Variants in LRRC31 observed in about 807,000 individuals in gnomAD.
LRRC31 encodes leucine rich repeat containing 31.
Under a neutral mutation model 46.7 loss-of-function variants are expected in LRRC31, and 35 were observed. The ratio of observed to expected loss-of-function variants is 0.75; its 90% CI spans 0.57 to 0.99. LRRC31 has a LOEUF of 0.99. Among genes scored for constraint, LRRC31 ranks in the 50% least tolerant of loss-of-function variants. The pLI is 0.00. For missense variants in LRRC31, 613 were observed against 626.1 expected (o/e 0.98, Z 0.22); for synonymous variants, 236 against 235.1 (o/e 1.00, Z -0.03).
At position 169,869,661 on chromosome 3, in the gene LRRC31, C is replaced by T. The variant is rs578048054; in HGVS notation, c.147G>A (p.Trp49Ter). ...TCTCTGAGGTGGCTGTCTTCTGTAT[C>T]CAGTCGCTGGGTTGGGAATCACTTG... ...LKTSDSQPSDWIQKTATSETA... is the reference protein window; with the variant it reads ...LKTSDSQPSD The change falls in exon 1 of 9, where the codon TGG (tryptophan) becomes TGA (stop). Residue 49 changes from tryptophan (W) to a stop codon, truncating the protein, a stop_gained. Coordinates refer to ENST00000316428, the MANE Select transcript of LRRC31 (RefSeq NM_024727.4). LOFTEE classifies it high-confidence loss of function. The T allele has an allele frequency of 1.2e-6, 2 of 1,609,166 alleles. No individual in the cohort carries two copies. Among genetic ancestry groups the T allele is most frequent in the Non-Finnish European group, 1.7e-6 (2 of 1,178,302 alleles).
At chr3:169,855,924 A>T (rs1427054154) in intron 5 of LRRC31, among the ~76,000 whole-genome samples, 1 of 152,016 alleles carries the variant, frequency 6.6e-6, no homozygotes, top group Non-Finnish European at 1.5e-5. Flanking sequence ...TATTTTTGAG[A>T]TGGAGTCTCT....
chr3:169,851,389 G>A (rs1780760428), intron 7 of LRRC31, among the ~76,000 whole-genome samples: 1 of 151,986 alleles, frequency 6.6e-6, no homozygotes, highest in Non-Finnish European at 1.5e-5. Context: ...CTCCAGTCTG[G>A]GTGACAATCT....
chr3:169,867,335 GA>G (rs1273025176), intron 1 of LRRC31, among the ~76,000 whole-genome samples: 2 of 140,834 alleles, frequency 1.4e-5, no homozygotes, highest in East Asian at 4.5e-4. Context: ...TTGGCTCACT[GA>G]AACCTCCACC....
intron 8 of LRRC31, among the ~76,000 whole-genome samples, chr3:169,844,720 T>A (rs567971921): frequency 6.6e-6 from 1 of 151,614 alleles, no homozygotes; most frequent in Admixed American, 6.6e-5. Context: ...GATCACGAGG[T>A]CAGGAGATCG....
At chr3:169,864,094 G>A (rs1781255746) in intron 1 of LRRC31, among the ~76,000 whole-genome samples, 1 of 151,332 alleles carries the variant, frequency 6.6e-6, no homozygotes, top group Admixed American at 6.6e-5. Flanking sequence ...TTGTTTTTAA[G>A]CTTTTTATCT....
intron 1 of LRRC31, among the ~76,000 whole-genome samples, chr3:169,869,293 C>G (rs1374471621): frequency 6.6e-6 from 1 of 151,866 alleles, no homozygotes; most frequent in Admixed American, 6.6e-5. Flanking sequence ...ATCGCTTGAA[C>G]CCGGGAGGCA....
intron 7 of LRRC31, 66 bp downstream of exon 7, chr3:169,851,553 A>T (rs1244759967): frequency 6.1e-6 from 9 of 1,470,820 alleles, no homozygotes; most frequent in Non-Finnish European, 7.4e-6. Flanking sequence ...AATGAAATGC[A>T]GGGAAAAAGA....
rs1553924484 is a variant in LRRC31 at position 169,852,427 on chromosome 3, A to AAC, written c.992-642_992-641insGT. ...CAAAAAAAAAAAAAAAAAAAAAAAA[A>AAC]AAAACTCTTAGCCTTCTCTATTTCA... On this transcript the variant is annotated intron_variant, in intron 6 of 8. Transcript: ENST00000316428. Among the ~76,000 whole-genome samples, 55 of 134,320 alleles carry AAC rather than the reference A, an allele frequency of 4.1e-4. 5 individuals are homozygous for AAC. The highest frequency in any genetic ancestry group is 1.2e-3 in the African/African-American group (41 of 33,294). 88.1% of individuals were successfully genotyped at this position (134,320 alleles called of 152,430 possible). A position where few individuals can be genotyped will look rare whatever the true frequency, so the allele number is the denominator to read the frequency against.
At chr3:169,851,523 G>C in intron 7 of LRRC31, 96 bp downstream of exon 7, 1 of 1,258,132 alleles carries the variant, frequency 7.9e-7, no homozygotes, top group Admixed American at 2.5e-5. Flanking sequence ...TTAGTACTTC[G>C]CAAACTGGCT....
intron 1 of LRRC31, among the ~76,000 whole-genome samples, chr3:169,867,602 G>T (rs1367672229): frequency 6.6e-6 from 1 of 151,806 alleles, no homozygotes; most frequent in Non-Finnish European, 1.5e-5. Context: ...TAAACTACTG[G>T]CCTTAAGCGA....
chr3:169,856,730 G>A lies in LRRC31; in HGVS notation c.630C>T (p.Leu210=), dbSNP rs1441031400. 26 of 1,594,308 alleles carry A rather than the reference G, an allele frequency of 1.6e-5. No homozygotes were observed. Among genetic ancestry groups the A allele is most frequent in the South Asian group, 2.3e-5 (2 of 87,540 alleles). The change falls in exon 4 of 9, where the codon CTC becomes CTT. Residue 210 remains leucine, a synonymous_variant. Transcript: ENST00000316428. ...CCAGAAATGTCCCATCTTCTGACGT[G>A]AGGGAGCAATCCACAAGCTCAATCA... ...IQMIELVDCS[L]TSEDGTFLGQ... is the part of the protein sequence containing the mutation.
intron 8 of LRRC31, among the ~76,000 whole-genome samples, chr3:169,844,450 G>A (rs573933785): frequency 6.6e-6 from 1 of 152,068 alleles, no homozygotes; most frequent in Admixed American, 6.5e-5. Flanking sequence ...CTGATAAAGG[G>A]TAGCTACAAA....
rs1324128884 is a variant in LRRC31, at chr3:169,867,038, G to GTTTT, written c.175+2591_175+2594dup. Reference sequence around the variant, plus strand: ...GTCTCAGAAAGAAAATTGGCCATGGGTTTTTTTTGTTTGTTTGTTTGTTTT... The same window carrying GTTTT: ...GTCTCAGAAAGAAAATTGGCCATGGGTTTTTTTTTTTTGTTTGTTTGTTTGTTTT... On this transcript the variant is annotated intron_variant, in intron 1 of 8. Transcript: ENST00000316428. 2.1e-4 allele frequency among the ~76,000 whole-genome samples: 27 copies of GTTTT among 126,322 alleles called. 2 individuals carry two copies. Among genetic ancestry groups the GTTTT allele is most frequent in the African/African-American group, 6.7e-4 (15 of 22,238 alleles). 82.9% of individuals were successfully genotyped at this position (126,322 alleles called of 152,430 possible).
chr3:169,842,781 T>A (rs116188088), intron 8 of LRRC31, among the ~76,000 whole-genome samples: 2,352 of 152,134 alleles, frequency 0.015, 68 homozygotes, highest in African/African-American at 0.054. Context: ...GCTGAAGACA[T>A]GGTGAATAAA....
At chr3:169,868,332 A>G (rs1053340345) in intron 1 of LRRC31, among the ~76,000 whole-genome samples, 10 of 151,556 alleles carry the variant, frequency 6.6e-5, no homozygotes, top group Admixed American at 2.0e-4. Flanking sequence ...CGCTTTATTC[A>G]TTCATTCAGC....
At chr3:169,840,628 T>C (rs1255997176) in intron 8 of LRRC31, among the ~76,000 whole-genome samples, 1 of 152,234 alleles carries the variant, frequency 6.6e-6, no homozygotes, top group Non-Finnish European at 1.5e-5. Context: ...TAAAGAGTGA[T>C]GGCTCATTGG....
intron 3 of LRRC31, among the ~76,000 whole-genome samples, chr3:169,857,415 C>CATATATACATATATATATAT (rs144038208): frequency 0.042 from 4,089 of 98,272 alleles, 274 homozygotes; most frequent in East Asian, 0.07. Context: ...TATACATATA[C>CATATATACATATATATATAT]ATATATATAT....
At position 169,860,711 on chromosome 3, in the gene LRRC31, G is replaced by T; in HGVS notation, c.337C>A (p.Leu113Ile). 6.2e-7 allele frequency: 1 copy of T among 1,614,032 alleles called. No individual in the cohort carries two copies. The highest frequency in any genetic ancestry group is 8.5e-7 in the Non-Finnish European group (1 of 1,179,928). ...ATATCCAGTTCTTCCAAGTCTGGGA[G>T]AAAAGGCAGCAAGGCAACTAGAAGT... ...MKEMVALLPF[L>I]PDLEELDISW... The change falls in exon 3 of 9, where the codon CTC (leucine) becomes ATC (isoleucine). Residue 113 changes from leucine to isoleucine, a missense_variant. Leu to Ile is a conservative substitution (Grantham distance 5). Coordinates refer to ENST00000316428, the MANE Select transcript of LRRC31 (RefSeq NM_024727.4).
intron 8 of LRRC31, among the ~76,000 whole-genome samples, chr3:169,843,555 A>G (rs1374006051): frequency 6.6e-6 from 1 of 152,216 alleles, no homozygotes; most frequent in Non-Finnish European, 1.5e-5. Flanking sequence ...TGGTTACATC[A>G]GCACCCCAGA....
Sources: gnomAD v4.1 joint callset for allele counts (sites outside exome capture counted in the v4.1 genomes callset) on GRCh38, gnomAD v4.1.1 for gene constraint, MANE v1.5 for transcripts, NCBI Gene and HGNC (gene_info 2026-07-23, HGNC 2026-07-21) for gene names.